PTPRM: variants seen among roughly 807,000 people sequenced by gnomAD.
PTPRM encodes the protein protein tyrosine phosphatase receptor type M.
In PTPRM, 47 loss-of-function variants were observed where a neutral mutation model predicts 186.7. That is an observed-to-expected ratio of 0.25 (90% CI 0.20 to 0.32). PTPRM has a LOEUF of 0.32. Ranked by LOEUF, PTPRM falls within the 10% of genes least tolerant of loss-of-function variation. The pLI is 1.00. For synonymous variants in PTPRM, 668 were observed against 674.9 expected (o/e 0.99, Z 0.16); for missense variants, 1,494 against 1,865.0 (o/e 0.80, Z 3.66).
chr18:7,989,083 G>T (rs776682353), intron 7 of PTPRM, among the ~76,000 whole-genome samples: 3 of 151,932 alleles, frequency 2.0e-5, no homozygotes, highest in Non-Finnish European at 4.4e-5. Context: ...AATACTTGTT[G>T]GTCATAGGTA....
At chr18:7,695,775 C>T (rs899009419) in intron 1 of PTPRM, among the ~76,000 whole-genome samples, 2 of 152,186 alleles carry the variant, frequency 1.3e-5, no homozygotes, top group Admixed American at 1.3e-4. Flanking sequence ...TGGCCCACAA[C>T]TGATGGCCAC....
chr18:7,677,700 T>C (rs1466396707), intron 1 of PTPRM, among the ~76,000 whole-genome samples: 1 of 151,984 alleles, frequency 6.6e-6, no homozygotes, highest in Non-Finnish European at 1.5e-5. Flanking sequence ...GGCATCACGC[T>C]CCCCCTCTGG....
At chr18:7,922,452 T>C (rs930405008) in intron 4 of PTPRM, among the ~76,000 whole-genome samples, 1 of 152,218 alleles carries the variant, frequency 6.6e-6, no homozygotes, top group African/African-American at 2.4e-5. Context: ...TCCACAATAG[T>C]GGGGAAATTG....
chr18:8,290,424 G>T (rs987953944), intron 19 of PTPRM, among the ~76,000 whole-genome samples: 1 of 151,726 alleles, frequency 6.6e-6, no homozygotes, highest in Non-Finnish European at 1.5e-5. Context: ...ATATCTAGGA[G>T]TTGTGGCATT....
chr18:7,686,998 G>A (rs1005945897), intron 1 of PTPRM, among the ~76,000 whole-genome samples: 3 of 152,234 alleles, frequency 2.0e-5, no homozygotes, highest in East Asian at 1.9e-4. Flanking sequence ...ATAAGCTGTC[G>A]TAGAAAGAAT....
At chr18:7,743,834 T>G (rs149116841) in intron 1 of PTPRM, among the ~76,000 whole-genome samples, 3 of 152,326 alleles carry the variant, frequency 2.0e-5, no homozygotes, top group African/African-American at 7.2e-5. Context: ...AATAATACTT[T>G]TGTTTACATA....
intron 7 of PTPRM, among the ~76,000 whole-genome samples, chr18:7,994,057 T>C (rs4306631): frequency 0.015 from 2,241 of 152,112 alleles, 59 homozygotes; most frequent in African/African-American, 0.052. Flanking sequence ...GACCCAACCA[T>C]ATTCTGCCCA....
intron 2 of PTPRM, among the ~76,000 whole-genome samples, chr18:7,850,513 A>G (rs1434536802): frequency 1.3e-5 from 2 of 152,212 alleles, no homozygotes; most frequent in Non-Finnish European, 2.9e-5. Flanking sequence ...GAAGCTGAAA[A>G]GCTGAGTGGA....
chr18:8,120,876 A>G (rs1466799379), intron 13 of PTPRM, among the ~76,000 whole-genome samples: 1 of 152,210 alleles, frequency 6.6e-6, no homozygotes, highest in Non-Finnish European at 1.5e-5. Context: ...GCGGAACTGC[A>G]TAGGAGTATT....
At chr18:7,772,259 C>CTTTTCTTTTCTTTTCTTTTCTT (rs2042306443) in intron 1 of PTPRM, among the ~76,000 whole-genome samples, 2 of 150,960 alleles carry the variant, frequency 1.3e-5, no homozygotes, top group African/African-American at 4.9e-5. Context: ...CTTTTCTTTT[C>CTTTTCTTTTCTTTTCTTTTCTT]TTTTCTTTTC....
intron 3 of PTPRM, among the ~76,000 whole-genome samples, chr18:7,903,490 A>T (rs1208918390): frequency 6.6e-6 from 1 of 152,080 alleles, no homozygotes; most frequent in African/African-American, 2.4e-5. Flanking sequence ...GGGCCTCAGG[A>T]ATGCTTTTTC....
At chr18:8,050,941 C>A (rs2148263667) in intron 7 of PTPRM, among the ~76,000 whole-genome samples, 1 of 152,218 alleles carries the variant, frequency 6.6e-6, no homozygotes, top group Non-Finnish European at 1.5e-5. Context: ...GGGGGAGCAA[C>A]AACTGTACCC....
At chr18:7,795,413 C>G (rs549809623) in intron 2 of PTPRM, among the ~76,000 whole-genome samples, 7 of 150,620 alleles carry the variant, frequency 4.6e-5, no homozygotes, top group Admixed American at 2.6e-4. Context: ...GGGTTCTTCT[C>G]TTTCTTTCCT....
At chr18:7,648,598 T>G (rs112637069) in intron 1 of PTPRM, among the ~76,000 whole-genome samples, 99 of 152,272 alleles carry the variant, frequency 6.5e-4, no homozygotes, top group African/African-American at 2.3e-3. Context: ...CTGATATGGA[T>G]AATGTTTGAG....
chr18:7,731,895 C>T (rs2040666561), intron 1 of PTPRM, among the ~76,000 whole-genome samples: 1 of 152,190 alleles, frequency 6.6e-6, no homozygotes. Context: ...TATTCATAGA[C>T]TTTGCTGATC....
intron 7 of PTPRM, among the ~76,000 whole-genome samples, chr18:7,998,001 T>C (rs573660798): frequency 2.5e-4 from 38 of 152,298 alleles, no homozygotes; most frequent in Admixed American, 4.6e-4. Context: ...AGAACTACTG[T>C]ATAATACAGC....
intron 7 of PTPRM, among the ~76,000 whole-genome samples, chr18:7,984,600 TATACACACACAC>T (rs1414754579): frequency 9.0e-5 from 10 of 110,966 alleles, no homozygotes; most frequent in African/African-American, 3.4e-4. Context: ...TATATATATA[TATACACACACAC>T]ACACACACAC....
chr18:7,651,958 A>G (rs2144285710), intron 1 of PTPRM, among the ~76,000 whole-genome samples: 1 of 152,300 alleles, frequency 6.6e-6, no homozygotes, highest in Admixed American at 6.5e-5. Context: ...CATCAGAGTG[A>G]ACAGGCAACC....
chr18:8,381,964 G>T (rs911389736), intron 29 of PTPRM, among the ~76,000 whole-genome samples: 1 of 152,160 alleles, frequency 6.6e-6, no homozygotes, highest in African/African-American at 2.4e-5. Context: ...TTCTAAAGCC[G>T]CATTCTAAAC....
Sources: gnomAD v4.1 joint callset for allele counts (sites outside exome capture counted in the v4.1 genomes callset) on GRCh38, gnomAD v4.1.1 for gene constraint, MANE v1.5 for transcripts, NCBI Gene and HGNC (gene_info 2026-07-23, HGNC 2026-07-21) for gene names.